Variants in DLG2 observed in about 807,000 individuals in gnomAD.
The protein encoded by DLG2 is disks large homolog 2.
DLG2 carries 45 observed loss-of-function variants against 132.5 expected under a neutral mutation model. That is an observed-to-expected ratio of 0.34 (90% CI 0.27 to 0.44). The LOEUF is 0.44. Ranked by LOEUF, DLG2 falls within the 20% of genes least tolerant of loss-of-function variation. The probability of loss-of-function intolerance (pLI) is 1.00; values close to 1 mark genes in which losing one functional copy is unlikely to be tolerated. For missense variants in DLG2, 1,045 were observed against 1,196.9 expected (o/e 0.87, Z 1.87); for synonymous variants, 424 against 419.6 (o/e 1.01, Z -0.13).
chr11:84,670,945 A>T (rs1340531477), intron 6 of DLG2, among the ~76,000 whole-genome samples: 1 of 152,152 alleles, frequency 6.6e-6, no homozygotes, highest in Non-Finnish European at 1.5e-5. Context: ...TGAATTAATT[A>T]CCATAAGAAA....
intron 6 of DLG2, among the ~76,000 whole-genome samples, chr11:84,959,503 C>T (rs1029515003): frequency 4.6e-5 from 7 of 152,126 alleles, no homozygotes; most frequent in Non-Finnish European, 8.8e-5. Flanking sequence ...TTTGTATCTG[C>T]TTCTTCAAGA....
intron 3 of DLG2, among the ~76,000 whole-genome samples, chr11:85,468,307 C>T (rs945593886): frequency 3.3e-5 from 5 of 152,034 alleles, no homozygotes; most frequent in African/African-American, 9.7e-5. Context: ...GTGTCTCTAT[C>T]TCCTTCAGTT....
chr11:84,894,148 C>T (rs1427989452), intron 6 of DLG2, among the ~76,000 whole-genome samples: 5 of 152,070 alleles, frequency 3.3e-5, no homozygotes, highest in African/African-American at 1.2e-4. Flanking sequence ...GCTTGGCCTC[C>T]TAGGTAAAGC....
intron 11 of DLG2, among the ~76,000 whole-genome samples, chr11:84,033,509 G>T (rs1279259968): frequency 1.3e-5 from 2 of 152,210 alleles, no homozygotes; most frequent in South Asian, 2.1e-4. Flanking sequence ...TCTTGAGATG[G>T]AACCTACTCC....
In DLG2 at chr11:85,283,219, C is replaced by A. The variant is rs369436614; in HGVS notation, c.186+2001G>T. Among the ~76,000 whole-genome samples the A allele has an allele frequency of 9.1e-4, 138 of 151,544 alleles. 3 individuals are homozygous for A. Among genetic ancestry groups the A allele is most frequent in the South Asian group, 5.0e-3 (24 of 4,812 alleles). On this transcript the variant is annotated intron_variant, in intron 4 of 27. Transcript: ENST00000376104. ...CCTATATAACAAACATGCACATGTA[C>A]CCCTGAATTTAAAATAAAAGTTAAA...
intron 6 of DLG2, among the ~76,000 whole-genome samples, chr11:85,104,330 T>C (rs1031446311): frequency 6.6e-6 from 1 of 151,922 alleles, no homozygotes; most frequent in Non-Finnish European, 1.5e-5. Context: ...AACTGATGAA[T>C]GGATAAACAA....
At chr11:83,936,446 C>G (rs1248600057) in intron 14 of DLG2, among the ~76,000 whole-genome samples, 2 of 152,198 alleles carry the variant, frequency 1.3e-5, no homozygotes, top group African/African-American at 4.8e-5. Context: ...TGGTTCACAG[C>G]TGTGGTATCA....
intron 11 of DLG2, among the ~76,000 whole-genome samples, chr11:83,996,821 T>C (rs1246102422): frequency 2.6e-5 from 4 of 152,104 alleles, no homozygotes; most frequent in Non-Finnish European, 5.9e-5. Context: ...TACTAGAGGC[T>C]GAGAAGGGTA....
chr11:83,503,439 A>T (rs1431041951), intron 21 of DLG2, among the ~76,000 whole-genome samples: 5 of 118,574 alleles, frequency 4.2e-5, no homozygotes, highest in Non-Finnish European at 9.2e-5. Context: ...ATCTAATAGG[A>T]TATATATATT....
intron 7 of DLG2, among the ~76,000 whole-genome samples, chr11:84,293,751 A>G (rs549563954): frequency 3.9e-5 from 6 of 152,354 alleles, no homozygotes; most frequent in Middle Eastern, 3.4e-3. Context: ...GAGAGTTCCA[A>G]TAAGAATGAT....
At chr11:83,862,459 G>A (rs1565391126) in intron 16 of DLG2, among the ~76,000 whole-genome samples, 1 of 151,814 alleles carries the variant, frequency 6.6e-6, no homozygotes, top group Non-Finnish European at 1.5e-5. Flanking sequence ...CAGTGGTGGG[G>A]GAAATATTGA....
At position 83,854,828 on chromosome 11, in the gene DLG2, A is replaced by G. The variant is rs202222988; in HGVS notation, c.1565+19592T>C. 3.9e-5 allele frequency among the ~76,000 whole-genome samples: 6 copies of G among 152,256 alleles called. No homozygotes were observed. The South Asian group carries it at 6.2e-4, about 16-fold the overall frequency. On this transcript the variant is annotated intron_variant, in intron 16 of 27. Transcript: ENST00000376104. ...GGACAGTTTTTATTTTATTAAAATA[A>G]AAACAGTCTGCTCTGTGAAAGACAA...
At chr11:83,678,583 C>T (rs1276563512) in intron 18 of DLG2, among the ~76,000 whole-genome samples, 10 of 152,168 alleles carry the variant, frequency 6.6e-5, no homozygotes, top group South Asian at 2.1e-4. Context: ...TCAGGGGCAA[C>T]GGGTTGGGGA....
At chr11:84,243,598 T>C (rs1052663027) in intron 8 of DLG2, among the ~76,000 whole-genome samples, 1 of 152,244 alleles carries the variant, frequency 6.6e-6, no homozygotes, top group Non-Finnish European at 1.5e-5. Flanking sequence ...TTTTAAAACA[T>C]AGTTTCTGAT....
At chr11:83,819,504 AAAG>A (rs796810805) in intron 17 of DLG2, among the ~76,000 whole-genome samples, 7 of 98,230 alleles carry the variant, frequency 7.1e-5, no homozygotes, top group Admixed American at 3.3e-4. Context: ...AAGAAAAGAA[AAAG>A]AAAAGAAAAA....
At chr11:84,398,628 G>A (rs2098819021) in intron 7 of DLG2, among the ~76,000 whole-genome samples, 1 of 152,292 alleles carries the variant, frequency 6.6e-6, no homozygotes, top group Non-Finnish European at 1.5e-5. Context: ...CAATCCAGTA[G>A]TGTAGGTGAT....
At chr11:83,876,912 G>C (rs536881433) in intron 15 of DLG2, among the ~76,000 whole-genome samples, 1 of 152,058 alleles carries the variant, frequency 6.6e-6, no homozygotes, top group African/African-American at 2.4e-5. Context: ...TACTTCCTAT[G>C]AAGATATAAT....
intron 6 of DLG2, among the ~76,000 whole-genome samples, chr11:85,014,475 A>T (rs2059404945): frequency 6.6e-6 from 1 of 152,164 alleles, no homozygotes; most frequent in Non-Finnish European, 1.5e-5. Flanking sequence ...GCATCTTTAT[A>T]GCTTCACCCC....
chr11:85,137,376 G>T (rs940169290), intron 5 of DLG2, among the ~76,000 whole-genome samples: 1 of 152,114 alleles, frequency 6.6e-6, no homozygotes, highest in Non-Finnish European at 1.5e-5. Context: ...AACTGAAGTT[G>T]CTTGAGGTTC....
Sources: gnomAD v4.1 joint callset for allele counts (sites outside exome capture counted in the v4.1 genomes callset) on GRCh38, gnomAD v4.1.1 for gene constraint, MANE v1.5 for transcripts, NCBI Gene and HGNC (gene_info 2026-07-23, HGNC 2026-07-21) for gene names.